TMEM135: variants seen among roughly 807,000 people sequenced by gnomAD.
The protein encoded by TMEM135 is transmembrane protein 135.
Under a neutral mutation model 60.3 loss-of-function variants are expected in TMEM135, and 30 were observed. The observed-to-expected ratio is 0.50, with a 90% CI of 0.37 to 0.68. The LOEUF (loss-of-function observed/expected upper bound fraction) is 0.68, where lower values mean the gene tolerates loss of function less well. TMEM135 is among the 30% of genes least tolerant of loss of function. TMEM135 has a pLI of 0.00. For missense variants in TMEM135, 468 were observed against 548.8 expected (o/e 0.85, Z 1.47); for synonymous variants, 190 against 186.7 (o/e 1.02, Z -0.14).
chr11:87,249,994 A>T (rs641389), intron 6 of TMEM135, among the ~76,000 whole-genome samples: 1 of 151,416 alleles, frequency 6.6e-6, no homozygotes, highest in East Asian at 1.9e-4. Flanking sequence ...TCTTTGATCT[A>T]TTCAGGTTTT....
At chr11:87,153,904 G>T (rs1469865254) in intron 4 of TMEM135, among the ~76,000 whole-genome samples, 13 of 151,956 alleles carry the variant, frequency 8.6e-5, no homozygotes, top group Non-Finnish European at 2.9e-5. Context: ...GTTTTATTAG[G>T]GTCTAAATCC....
chr11:87,147,640 A>G (rs1331418599), intron 4 of TMEM135, among the ~76,000 whole-genome samples: 1 of 152,234 alleles, frequency 6.6e-6, no homozygotes, highest in Non-Finnish European at 1.5e-5. Context: ...TTTGATTTGC[A>G]CACATATACA....
intron 4 of TMEM135, 110 bp downstream of exon 4, chr11:87,091,505 CT>C (rs2135168757): frequency 9.4e-7 from 1 of 1,062,414 alleles, no homozygotes; most frequent in African/African-American, 1.6e-5. Flanking sequence ...TGAGGATAAT[CT>C]TCTCTGTGTT....
chr11:87,090,309 C>T (rs1451635014), intron 3 of TMEM135, among the ~76,000 whole-genome samples: 2 of 151,906 alleles, frequency 1.3e-5, no homozygotes, highest in South Asian at 2.1e-4. Context: ...TTACAGAGTC[C>T]CAGAGTACCT....
At chr11:87,110,039 C>T (rs2451067) in intron 4 of TMEM135, among the ~76,000 whole-genome samples, 83,385 of 151,828 alleles carry the variant, frequency 0.55, 23,724 homozygotes, top group East Asian at 0.71. Context: ...TATGTTACTC[C>T]AGATTTTTGG....
chr11:87,196,591 T>C (rs1939963458), intron 5 of TMEM135, among the ~76,000 whole-genome samples: 1 of 152,134 alleles, frequency 6.6e-6, no homozygotes, highest in African/African-American at 2.4e-5. Context: ...ATATTATTTT[T>C]AGGGAATTTG....
At chr11:87,236,582 C>T (rs967819421) in intron 5 of TMEM135, 56 bp from the exon 6 acceptor site, 112 of 1,525,274 alleles carry the variant, frequency 7.3e-5, no homozygotes, top group Non-Finnish European at 9.1e-5. Flanking sequence ...TTATGAGTCA[C>T]TCAAATGGTG....
At chr11:87,186,490 G>GAT (rs1402620722) in intron 5 of TMEM135, among the ~76,000 whole-genome samples, 1 of 152,164 alleles carries the variant, frequency 6.6e-6, no homozygotes, top group Non-Finnish European at 1.5e-5. Flanking sequence ...GGTTGTATAG[G>GAT]ATATAGGAGT....
At chr11:87,142,554 C>G (rs987846741) in intron 4 of TMEM135, among the ~76,000 whole-genome samples, 1 of 152,178 alleles carries the variant, frequency 6.6e-6, no homozygotes, top group South Asian at 2.1e-4. Context: ...TGTGTTTTCT[C>G]TCCCTAAGTA....
intron 12 of TMEM135, among the ~76,000 whole-genome samples, chr11:87,315,187 CCTT>C (rs539933469): frequency 5.7e-4 from 87 of 151,948 alleles, no homozygotes; most frequent in Middle Eastern, 3.4e-3. Context: ...TCCTCCTCCT[CCTT>C]CTTCCTTGAC....
At chr11:87,289,920 A>G (rs1170794858) in intron 6 of TMEM135, among the ~76,000 whole-genome samples, 2 of 152,172 alleles carry the variant, frequency 1.3e-5, no homozygotes, top group African/African-American at 4.8e-5. Context: ...CACTGAGTAT[A>G]ATGTCTTCCA....
intron 1 of TMEM135, among the ~76,000 whole-genome samples, chr11:87,060,624 C>G (rs1389679110): frequency 6.6e-6 from 1 of 151,050 alleles, no homozygotes; most frequent in African/African-American, 2.4e-5. Context: ...CTTCGTCTCT[C>G]TGTACTTTTT....
rs1393298978 is a variant in TMEM135, at chr11:87,327,077, A to G, written c.*5744A>G. 8 of 453,950 alleles carry G rather than the reference A, an allele frequency of 1.8e-5. No homozygotes were observed. In the East Asian group the frequency reaches 2.1e-4, roughly 12 times the overall value. The allele number at this position is 453,950 out of a possible 1,614,324, so 28.1% of individuals were successfully genotyped here. ...ACATGCCTAGCCCCAGGGATGAATC[A>G]TAATTGTTCTAGGCCTTTCATGTCT... On this transcript the variant is annotated 3_prime_UTR_variant, in exon 15 of 15. Coordinates refer to ENST00000305494, the MANE Select transcript of TMEM135 (RefSeq NM_022918.4).
chr11:87,296,378 CT>C (rs1432400457), intron 7 of TMEM135, among the ~76,000 whole-genome samples: 1 of 152,124 alleles, frequency 6.6e-6, no homozygotes, highest in Non-Finnish European at 1.5e-5. Flanking sequence ...TGCAACAGTT[CT>C]GTGAGATGTA....
intron 4 of TMEM135, among the ~76,000 whole-genome samples, chr11:87,146,245 G>A (rs1176835973): frequency 2.0e-5 from 3 of 152,176 alleles, no homozygotes; most frequent in African/African-American, 7.2e-5. Context: ...GCCATGTGTG[G>A]TGGCATGTGC....
chr11:87,308,029 T>G (rs1942580947), intron 9 of TMEM135, among the ~76,000 whole-genome samples: 1 of 152,202 alleles, frequency 6.6e-6, no homozygotes, highest in Non-Finnish European at 1.5e-5. Context: ...TAATATAGAT[T>G]GCCCTGTTAA....
At chr11:87,208,051 T>C (rs1284920279) in intron 5 of TMEM135, among the ~76,000 whole-genome samples, 1 of 152,044 alleles carries the variant, frequency 6.6e-6, no homozygotes, top group Non-Finnish European at 1.5e-5. Context: ...TCAAGGGTAA[T>C]AAAGACCTTA....
At position 87,322,160 on chromosome 11, in the gene TMEM135, T is replaced by C. The variant is rs1942833743; in HGVS notation, c.*827T>C. The C allele has an allele frequency of 2.2e-6, 1 of 454,250 alleles. No individual in the cohort carries two copies. Among genetic ancestry groups the C allele is most frequent in the African/African-American group, 2.0e-5 (1 of 50,000 alleles). The allele number at this position is 454,250 out of a possible 1,614,324, so 28.1% of individuals were successfully genotyped here. A position where few individuals can be genotyped will look rare whatever the true frequency, so the allele number is the denominator to read the frequency against. ...AAACTTCCTATAGGTTTATGATGTT[T>C]GTTTTCATTTATATGGACATAATCC... On this transcript the variant is annotated 3_prime_UTR_variant, in exon 15 of 15. Transcript: ENST00000305494.
intron 3 of TMEM135, among the ~76,000 whole-genome samples, chr11:87,082,626 G>A (rs937813535): frequency 4.6e-5 from 7 of 152,190 alleles, no homozygotes; most frequent in African/African-American, 9.7e-5. Flanking sequence ...ATAGGTGGTC[G>A]TTGAAACTGT....
Sources: gnomAD v4.1 joint callset for allele counts (sites outside exome capture counted in the v4.1 genomes callset) on GRCh38, gnomAD v4.1.1 for gene constraint, MANE v1.5 for transcripts, NCBI Gene and HGNC (gene_info 2026-07-23, HGNC 2026-07-21) for gene names.